The following MICAL3 variants were observed in gnomAD, a reference collection of about 807,000 sequenced individuals.
MICAL3 encodes the protein [F-actin]-monooxygenase MICAL3.
Under a neutral mutation model 207.4 loss-of-function variants are expected in MICAL3, and 62 were observed. That is an observed-to-expected ratio of 0.30 (90% CI 0.24 to 0.37). The LOEUF is 0.37. Ranked by LOEUF, MICAL3 falls within the 10% of genes least tolerant of loss-of-function variation. The pLI is 1.00. For missense variants in MICAL3, 2,368 were observed against 2,635.6 expected, an observed-to-expected ratio of 0.90 and a Z score of 2.22; for synonymous variants, 1,077 against 1,069.3, an observed-to-expected ratio of 1.01 and a Z score of -0.14.
intron 1 of MICAL3, among the ~76,000 whole-genome samples, chr22:17,993,171 C>T (rs1249522808): frequency 1.3e-5 from 2 of 152,098 alleles, no homozygotes; most frequent in Non-Finnish European, 2.9e-5. Flanking sequence ...ACTCTGACTA[C>T]TCATGGCCAA....
intron 7 of MICAL3, among the ~76,000 whole-genome samples, chr22:17,898,873 T>C (rs529400025): frequency 3.3e-5 from 5 of 152,332 alleles, no homozygotes; most frequent in Admixed American, 6.5e-5. Context: ...GAGGCCTAAG[T>C]GTAGCCTGAT....
chr22:17,998,553 T>A (rs954517190), intron 1 of MICAL3, among the ~76,000 whole-genome samples: 107 of 137,342 alleles, frequency 7.8e-4, no homozygotes, highest in East Asian at 7.5e-3. Context: ...TAATAATTAT[T>A]ATTATTATTA....
intron 16 of MICAL3, among the ~76,000 whole-genome samples, chr22:17,877,535 G>GGTTAGGGAGGTGAGGGAA (rs1928935449): frequency 7.1e-6 from 1 of 140,962 alleles, no homozygotes; most frequent in East Asian, 2.1e-4. Context: ...AGGTGAGGGA[G>GGTTAGGGAGGTGAGGGAA]GTTATGGAGG....
intron 16 of MICAL3, 79 bp from the exon 17 acceptor site, chr22:17,872,102 G>A (rs1366889335): frequency 2.5e-5 from 32 of 1,293,208 alleles, no homozygotes; most frequent in Admixed American, 4.5e-5. Context: ...ACAGCCTTGC[G>A]AGAGCAAAGC....
chr22:17,972,641 A>G (rs925164974), intron 1 of MICAL3, among the ~76,000 whole-genome samples: 1 of 152,170 alleles, frequency 6.6e-6, no homozygotes, highest in African/African-American at 2.4e-5. Flanking sequence ...TGGCAGGCAC[A>G]CTTTGGGGCA....
Position 17,789,755 on chromosome 22 carries a change from C to T in MICAL3, c.*977G>A, listed in dbSNP as rs1048674494. 1.3e-5 allele frequency: 2 copies of T among 152,226 alleles called. No homozygotes were observed. The highest frequency in any genetic ancestry group is 3.9e-4 in the East Asian group (2 of 5,190). The allele number at this position is 152,226 out of a possible 1,614,324, so 9.4% of individuals were successfully genotyped here. On this transcript the variant is annotated 3_prime_UTR_variant, in exon 32 of 32. Coordinates refer to ENST00000441493, the MANE Select transcript of MICAL3 (RefSeq NM_015241.3). ...TGCCGCTGTGGCTCCCGCACCCGGG[C>T]GCAGGTGATCAGTTCCTCTAGTAAA...
At chr22:17,876,707 G>A (rs1928395880) in intron 16 of MICAL3, 1 of 151,424 alleles carries the variant, frequency 6.6e-6, no homozygotes, top group South Asian at 2.1e-4. Context: ...GGGTTATGGA[G>A]GTTAGGGAGG....
chr22:17,959,938 C>G (rs1373123710), intron 1 of MICAL3, among the ~76,000 whole-genome samples: 1 of 152,180 alleles, frequency 6.6e-6, no homozygotes. Flanking sequence ...CTCATGATAC[C>G]TTCCCTACCT....
intron 1 of MICAL3, among the ~76,000 whole-genome samples, chr22:17,948,938 G>A (rs547511053): frequency 6.1e-5 from 8 of 131,330 alleles, no homozygotes; most frequent in Admixed American, 1.5e-4. Flanking sequence ...TGGCCAGCAC[G>A]GTGGGTCGTG....
chr22:17,830,378 A>G (rs1922675040), intron 21 of MICAL3, among the ~76,000 whole-genome samples: 1 of 152,142 alleles, frequency 6.6e-6, no homozygotes, highest in Admixed American at 6.5e-5. Context: ...CTCTTTTCCT[A>G]CAGGTTTGGT....
intron 1 of MICAL3, among the ~76,000 whole-genome samples, chr22:17,961,404 AG>A (rs1250135151): frequency 1.8e-4 from 27 of 152,290 alleles, no homozygotes; most frequent in African/African-American, 6.3e-4. Flanking sequence ...GGGGAGCGTC[AG>A]CCCCGGGCAA....
intron 1 of MICAL3, among the ~76,000 whole-genome samples, chr22:17,936,564 T>TA (rs1376888984): frequency 6.7e-6 from 1 of 149,994 alleles, no homozygotes; most frequent in East Asian, 1.9e-4. Flanking sequence ...CCCTAGAACT[T>TA]AAAGTATAAT....
At chr22:17,871,233 C>G (rs1486458690) in intron 17 of MICAL3, among the ~76,000 whole-genome samples, 1 of 152,224 alleles carries the variant, frequency 6.6e-6, no homozygotes, top group Non-Finnish European at 1.5e-5. Flanking sequence ...GTTACCTTAT[C>G]AAGGTCTTTT....
chr22:17,965,288 G>T (rs1333647677), intron 1 of MICAL3, among the ~76,000 whole-genome samples: 1 of 151,842 alleles, frequency 6.6e-6, no homozygotes, highest in East Asian at 1.9e-4. Flanking sequence ...TTACAGGATT[G>T]CAATAATACC....
chr22:17,920,919 C>T (rs565924807), intron 1 of MICAL3, among the ~76,000 whole-genome samples: 21 of 152,264 alleles, frequency 1.4e-4, no homozygotes, highest in African/African-American at 4.6e-4. Context: ...GCCCCAAACT[C>T]ACTAAGCCAA....
intron 1 of MICAL3, among the ~76,000 whole-genome samples, chr22:17,963,565 A>G (rs1935013212): frequency 6.6e-6 from 1 of 151,924 alleles, no homozygotes; most frequent in Non-Finnish European, 1.5e-5. Context: ...CCTCCATGCA[A>G]CCCCAAGGAG....
At position 18,016,662 on chromosome 22, in the gene MICAL3, C is replaced by T. The variant is rs184865266; in HGVS notation, c.-75+7619G>A. Among the ~76,000 whole-genome samples, 161 of 152,242 alleles carry T rather than the reference C, an allele frequency of 1.1e-3. 2 individuals carry two copies. In the East Asian group the frequency reaches 0.02, roughly 18 times the overall value. On this transcript the variant is annotated intron_variant, in intron 1 of 31. Transcript: ENST00000441493. ...AAAACTCTTTAAAATGTTTCTAGGC[C>T]GGGTGCGGTGGCTCACGCCTGTAAT...
chr22:17,834,830 C>T (rs1333388708), intron 20 of MICAL3, among the ~76,000 whole-genome samples: 1 of 152,252 alleles, frequency 6.6e-6, no homozygotes, highest in Non-Finnish European at 1.5e-5. Context: ...AACAACAATA[C>T]ATAACCTAGT....
chr22:17,970,470 A>G (rs550790174), intron 1 of MICAL3, among the ~76,000 whole-genome samples: 2 of 152,104 alleles, frequency 1.3e-5, no homozygotes, highest in South Asian at 4.2e-4. Context: ...AGATAACAGA[A>G]CTCTGCAGTC....
Sources: gnomAD v4.1 joint callset for allele counts (sites outside exome capture counted in the v4.1 genomes callset) on GRCh38, gnomAD v4.1.1 for gene constraint, MANE v1.5 for transcripts, NCBI Gene and HGNC (gene_info 2026-07-23, HGNC 2026-07-21) for gene names.